PUDP: variants seen among roughly 807,000 people sequenced by gnomAD.
The protein encoded by PUDP is pseudouridine-5'-phosphatase.
In PUDP, 8 loss-of-function variants were observed where a neutral mutation model predicts 9.4. The ratio of observed to expected loss-of-function variants is 0.85; its 90% confidence interval spans 0.50 to 1.53. The LOEUF (loss-of-function observed/expected upper bound fraction) is 1.53, where lower values mean the gene tolerates loss of function less well. PUDP is among the 40% of genes most tolerant of loss of function. The probability of loss-of-function intolerance (pLI) is 0.00; values close to 1 mark genes in which losing one functional copy is unlikely to be tolerated. For missense variants in PUDP, 188 were observed against 189.7 expected (o/e 0.99, Z 0.05); for synonymous variants, 99 against 80.7 (o/e 1.23, Z -1.22).
At chrX:6,740,893 T>C (rs1182016906) in intron 3 of PUDP, among the ~76,000 whole-genome samples, 2 of 112,050 alleles carry the variant, frequency 1.8e-5, no homozygotes, top group Non-Finnish European at 3.8e-5. Context: ...GTGCGGTGGC[T>C]CACGCCTGTA....
chrX:6,892,658 A>G (rs999833133), intron 3 of PUDP, among the ~76,000 whole-genome samples: 3 of 111,762 alleles, frequency 2.7e-5, no homozygotes, highest in African/African-American at 9.8e-5. Context: ...CAGGCAAACC[A>G]TATCAGAGCC....
At chrX:6,783,734 T>C (rs1374486384) in intron 3 of PUDP, among the ~76,000 whole-genome samples, 1 of 112,028 alleles carries the variant, frequency 8.9e-6, no homozygotes, top group Non-Finnish European at 1.9e-5. Flanking sequence ...AAAACAGCTA[T>C]TTATAAAGAG....
intron 3 of PUDP, among the ~76,000 whole-genome samples, chrX:6,966,359 T>A (rs772746377): frequency 1.6e-4 from 18 of 110,825 alleles, no homozygotes; most frequent in Non-Finnish European, 1.5e-4. Flanking sequence ...TCTATGCCTG[T>A]TATATAGAAA....
At chrX:7,019,724 C>T (rs1228806543) in intron 1 of PUDP, among the ~76,000 whole-genome samples, 2 of 111,687 alleles carry the variant, frequency 1.8e-5, no homozygotes, top group Admixed American at 9.6e-5. Flanking sequence ...AGCTTCTGCA[C>T]TCCATCCGGG....
chrX:6,865,975 C>T (rs1311721778), intron 3 of PUDP, among the ~76,000 whole-genome samples: 1 of 111,582 alleles, frequency 9.0e-6, no homozygotes, highest in African/African-American at 3.3e-5. Context: ...GGCCGGAGTA[C>T]AGTGGCACAG....
At chrX:6,844,755 C>A (rs1301659857) in intron 3 of PUDP, among the ~76,000 whole-genome samples, 1 of 112,130 alleles carries the variant, frequency 8.9e-6, no homozygotes, top group African/African-American at 3.2e-5. Context: ...CATATTCAAG[C>A]TGGAGAACCA....
rs62590368 is a variant in PUDP, at chrX:6,730,470, A to C, written c.*248-24004T>G. On this transcript the variant is annotated intron_variant and NMD_transcript_variant, in intron 3 of 3. Transcript: ENST00000655425. Reference sequence around the variant, plus strand: ...ACTAAATGATGGGAAAAACAAATTGAGTTCCAATCCTGTCTTCCCATCCTC... The same window carrying C: ...ACTAAATGATGGGAAAAACAAATTGCGTTCCAATCCTGTCTTCCCATCCTC... Among the ~76,000 whole-genome samples, 533 of 112,098 alleles carry C rather than the reference A, an allele frequency of 4.8e-3. 4 individuals carry two copies. The highest frequency in any genetic ancestry group is 7.9e-3 in the Non-Finnish European group (419 of 53,216).
rs1393622888 is a variant in PUDP at position 6,955,226 on chromosome X, T to C, written c.*247+21907A>G. ...TCTTTTAACTTTTAGTTCCTTTTTT[T>C]TTTTTCCTTTTAGAGACATAGTCTT... is the stretch of plus-strand genomic sequence containing the variant. On this transcript the variant is annotated intron_variant and NMD_transcript_variant, in intron 3 of 3. Coordinates refer to the PUDP transcript ENST00000655425. Among the ~76,000 whole-genome samples the C allele has an allele frequency of 2.7e-5, 3 of 110,610 alleles. 1 individual carries two copies. Among genetic ancestry groups the C allele is most frequent in the Admixed American group, 9.6e-5 (1 of 10,373 alleles).
Position 7,097,764 on chromosome X carries a change from C to T in PUDP, c.280+7856G>A, listed in dbSNP as rs142001541. ...GATGAGTGCCTTCCTGCCAGATGCT[C>T]CTAATGGAAAGGGTGGGGGTGTATC... On this transcript the variant is annotated intron_variant, in intron 2 of 3. Transcript: ENST00000381077. 5.6e-3 allele frequency among the ~76,000 whole-genome samples: 622 copies of T among 111,133 alleles called. 7 individuals are homozygous for T. Among genetic ancestry groups the T allele is most frequent in the African/African-American group, 0.019 (586 of 30,530 alleles).
At chrX:6,759,031 G>T (rs769145660) in intron 3 of PUDP, among the ~76,000 whole-genome samples, 2 of 112,028 alleles carry the variant, frequency 1.8e-5, no homozygotes, top group African/African-American at 6.5e-5. Flanking sequence ...CTAATCAGAG[G>T]ACAGATCCTA....
chrX:6,819,132 T>A (rs1360888426), intron 3 of PUDP, among the ~76,000 whole-genome samples: 1 of 111,652 alleles, frequency 9.0e-6, no homozygotes, highest in Non-Finnish European at 1.9e-5. Flanking sequence ...GGATAAAGAA[T>A]GAAAATCCCA....
chrX:6,764,798 A>T (rs746626643), intron 3 of PUDP, among the ~76,000 whole-genome samples: 1 of 112,139 alleles, frequency 8.9e-6, no homozygotes, highest in East Asian at 2.8e-4. Flanking sequence ...AGAAATCCAC[A>T]AGGAACATAC....
chrX:6,848,442 C>T (rs1274722143), intron 3 of PUDP, among the ~76,000 whole-genome samples: 1 of 112,267 alleles, frequency 8.9e-6, no homozygotes, highest in Non-Finnish European at 1.9e-5. Flanking sequence ...ACTAATATTA[C>T]GGATTTTATC....
At chrX:6,792,560 C>G (rs1245591256) in intron 3 of PUDP, among the ~76,000 whole-genome samples, 1 of 111,129 alleles carries the variant, frequency 9.0e-6, no homozygotes, top group East Asian at 2.8e-4. Flanking sequence ...AATGTCCTGT[C>G]TGAAGACACA....
At chrX:6,774,459 A>G (rs977965824) in intron 3 of PUDP, among the ~76,000 whole-genome samples, 1 of 112,007 alleles carries the variant, frequency 8.9e-6, no homozygotes, top group Non-Finnish European at 1.9e-5. Flanking sequence ...GGACAATACA[A>G]GCCATTTGTC....
chrX:6,776,360 G>A (rs1009681889), intron 3 of PUDP, among the ~76,000 whole-genome samples: 3 of 109,069 alleles, frequency 2.8e-5, no homozygotes, highest in Admixed American at 9.9e-5. Context: ...GGCAAAACCC[G>A]ATCTCCACTA....
intron 3 of PUDP, among the ~76,000 whole-genome samples, chrX:6,751,164 A>G (rs1925074125): frequency 7.3e-5 from 8 of 110,317 alleles, no homozygotes; most frequent in Middle Eastern, 9.2e-3. Context: ...GAAAGAAAAA[A>G]GAAAGAAAGA....
intron 3 of PUDP, among the ~76,000 whole-genome samples, chrX:7,066,089 T>G (rs1315290568): frequency 1.8e-5 from 2 of 111,843 alleles, no homozygotes; most frequent in Non-Finnish European, 3.8e-5. Context: ...GATGCACTAG[T>G]GTATGGGGGA....
chrX:7,014,252 T>C (rs1420948522), intron 1 of PUDP, among the ~76,000 whole-genome samples: 2 of 110,183 alleles, frequency 1.8e-5, no homozygotes, highest in Non-Finnish European at 3.8e-5. Flanking sequence ...TAGGGGGACA[T>C]GGCAGGCAAA....
Sources: gnomAD v4.1 joint callset for allele counts (sites outside exome capture counted in the v4.1 genomes callset) on GRCh38, gnomAD v4.1.1 for gene constraint, MANE v1.5 for transcripts, NCBI Gene and HGNC (gene_info 2026-07-23, HGNC 2026-07-21) for gene names.